The following PYHIN1 variants were observed in gnomAD, a reference collection of about 807,000 sequenced individuals.
PYHIN1 encodes pyrin and HIN domain family member 1, also known as pyrin and HIN domain-containing protein 1.
Under a neutral mutation model 43.7 loss-of-function variants are expected in PYHIN1, and 32 were observed. The ratio of observed to expected loss-of-function variants is 0.73; its 90% CI spans 0.55 to 0.98. The LOEUF (loss-of-function observed/expected upper bound fraction) is 0.98. Among genes scored for constraint, PYHIN1 ranks in the 50% least tolerant of loss-of-function variants. The pLI is 0.00. For missense variants in PYHIN1, 588 were observed against 589.5 expected, an observed-to-expected ratio of 1.00 and a Z score of 0.03; for synonymous variants, 205 against 203.1, an observed-to-expected ratio of 1.01 and a Z score of -0.08.
rs541539479 is a variant in PYHIN1, at chr1:158,938,196, C to T, written c.266-201C>T. Among the ~76,000 whole-genome samples, 14 of 152,262 alleles carry T rather than the reference C, an allele frequency of 9.2e-5. 1 individual carries two copies. The East Asian group carries it at 2.7e-3, about 29-fold the overall frequency. ...CTGCACAGGGGAGGAGTGATGAAAG[C>T]ACTGAGGAGTGTGAGTCAGTGTTTG... On this transcript the variant is annotated intron_variant, in intron 2 of 8. Transcript: ENST00000368140.
At chr1:158,938,669 A>G (rs1648713762) in intron 3 of PYHIN1, 127 bp downstream of exon 3, 3 of 915,440 alleles carry the variant, frequency 3.3e-6, no homozygotes, top group South Asian at 5.0e-5. Context: ...AGATTTATCA[A>G]ATTACATAAT....
chr1:158,968,192 T>C (rs1297576723), intron 7 of PYHIN1, among the ~76,000 whole-genome samples: 6 of 151,856 alleles, frequency 4.0e-5, no homozygotes, highest in African/African-American at 1.5e-4. Flanking sequence ...TTGCAAACTT[T>C]GCATCCAACA....
At chr1:158,936,368 C>T (rs1418867254) in intron 1 of PYHIN1, among the ~76,000 whole-genome samples, 1 of 151,494 alleles carries the variant, frequency 6.6e-6, no homozygotes, top group African/African-American at 2.4e-5. Flanking sequence ...GCTTCATCAT[C>T]CTGATACCAA....
chr1:158,967,757 T>C (rs112955780), intron 7 of PYHIN1, among the ~76,000 whole-genome samples: 2 of 151,850 alleles, frequency 1.3e-5, no homozygotes, highest in African/African-American at 2.4e-5. Flanking sequence ...CATAGACCAA[T>C]GAAACAGAAT....
At chr1:158,950,731 C>T (rs1330620566) in intron 7 of PYHIN1, among the ~76,000 whole-genome samples, 2 of 152,182 alleles carry the variant, frequency 1.3e-5, no homozygotes, top group Non-Finnish European at 2.9e-5. Flanking sequence ...CCATACTCCC[C>T]CTTTTCTGTT....
At chr1:158,986,046 CT>C in the PYHIN1 span, among the ~76,000 whole-genome samples, 1 of 152,036 alleles carries the variant, frequency 6.6e-6, no homozygotes, top group African/African-American at 2.4e-5. Flanking sequence ...TATCTTTAAG[CT>C]TTTGTATTAT....
intron 7 of PYHIN1, among the ~76,000 whole-genome samples, chr1:158,965,392 T>A (rs1650575923): frequency 1.3e-5 from 2 of 152,098 alleles, no homozygotes; most frequent in African/African-American, 2.4e-5. Context: ...CTTGACAAGA[T>A]GGACCTAATG....
intron 1 of PYHIN1, among the ~76,000 whole-genome samples, chr1:158,936,158 C>A (rs1490271178): frequency 1.0e-5 from 1 of 97,008 alleles, no homozygotes; most frequent in Non-Finnish European, 2.5e-5. Flanking sequence ...GTGCTGCACC[C>A]ATTAACTCAT....
rs1468351257 is a variant in PYHIN1, at chr1:158,976,770, G to A, written c.*75G>A. 6.6e-7 allele frequency: 1 copy of A among 1,526,402 alleles called. No homozygotes were observed. Among genetic ancestry groups the A allele is most frequent in the South Asian group, 1.2e-5 (1 of 85,534 alleles). 94.6% of individuals were successfully genotyped at this position (1,526,402 alleles called of 1,614,324 possible). A position where few individuals can be genotyped will look rare whatever the true frequency, so the allele number is the denominator to read the frequency against. On this transcript the variant is annotated 3_prime_UTR_variant, in exon 9 of 9. Coordinates refer to ENST00000368140, the MANE Select transcript of PYHIN1 (RefSeq NM_152501.5). ...CTCAAGTGTGGAAATTTTGCCTGAA[G>A]TCCTCCACCTAAAAACCTGATGCCA...
At chr1:158,976,644 G>C (rs1435833247) in intron 8 of PYHIN1, 57 bp from the exon 9 acceptor site, 3 of 1,393,012 alleles carry the variant, frequency 2.2e-6, no homozygotes, top group East Asian at 4.9e-5. Context: ...ATTGAAGAAA[G>C]AAATGTATGA....
intron 7 of PYHIN1, among the ~76,000 whole-genome samples, chr1:158,972,449 T>C (rs892957729): frequency 7.9e-5 from 12 of 152,004 alleles, no homozygotes; most frequent in Admixed American, 7.9e-4. Context: ...ATTTTTATGA[T>C]TTACAAGGGA....
chr1:158,955,043 A>G (rs1025010793), intron 7 of PYHIN1, among the ~76,000 whole-genome samples: 5 of 152,106 alleles, frequency 3.3e-5, no homozygotes, highest in African/African-American at 1.2e-4. Flanking sequence ...ATTCAACAAG[A>G]AGAGCTAACT....
intron 3 of PYHIN1, 122 bp from the exon 4 acceptor site, chr1:158,938,958 G>A: frequency 1.5e-6 from 1 of 676,262 alleles, no homozygotes; most frequent in Non-Finnish European, 2.3e-6. Context: ...TTGGCCTGGG[G>A]ATGTACTTAA....
chr1:158,984,787 C>T, the PYHIN1 span, among the ~76,000 whole-genome samples: 2 of 152,136 alleles, frequency 1.3e-5, no homozygotes, highest in South Asian at 2.1e-4. Context: ...TTAGCTAGTT[C>T]TCTTCATAGG....
At chr1:158,932,213 C>A (rs1348801872) in intron 1 of PYHIN1, among the ~76,000 whole-genome samples, 1 of 151,992 alleles carries the variant, frequency 6.6e-6, no homozygotes, top group Non-Finnish European at 1.5e-5. Flanking sequence ...CACAGGAATA[C>A]CAAATACTGC....
the PYHIN1 span, among the ~76,000 whole-genome samples, chr1:158,983,923 C>T: frequency 6.8e-6 from 1 of 146,328 alleles, no homozygotes; most frequent in African/African-American, 2.5e-5. Context: ...AGTTTTTCAG[C>T]ATAGAAATTG....
intron 4 of PYHIN1, among the ~76,000 whole-genome samples, chr1:158,941,012 T>A (rs566594053): frequency 9.2e-5 from 14 of 152,342 alleles, no homozygotes; most frequent in African/African-American, 2.6e-4. Flanking sequence ...CATGGATGGA[T>A]CTACGGTTAC....
At chr1:158,977,365 C>T (rs1263471789), downstream of PYHIN1, among the ~76,000 whole-genome samples, 1 of 152,098 alleles carries the variant, frequency 6.6e-6, no homozygotes, top group Non-Finnish European at 1.5e-5. Context: ...AATTTTCTTG[C>T]CAAACCAGGC....
chr1:158,951,798 C>G (rs1649545369), intron 7 of PYHIN1, among the ~76,000 whole-genome samples: 1 of 152,090 alleles, frequency 6.6e-6, no homozygotes, highest in Admixed American at 6.6e-5. Context: ...CTTAATTGCT[C>G]CTTAACTAAC....
Sources: allele counts gnomAD v4.1 joint callset (sites outside exome capture counted in the v4.1 genomes callset), GRCh38; gene constraint gnomAD v4.1.1; transcripts MANE v1.5; gene names NCBI Gene and HGNC (gene_info 2026-07-23, HGNC 2026-07-21).